ITGAE: variants seen among roughly 807,000 people sequenced by gnomAD.
ITGAE encodes integrin subunit alpha E, also known as integrin alpha-E.
A neutral mutation model predicts 136.5 loss-of-function variants in ITGAE; 99 were observed. That is an observed-to-expected ratio of 0.73 (90% CI 0.62 to 0.86). ITGAE has a LOEUF of 0.86. Ranked by LOEUF, ITGAE falls within the 40% of genes least tolerant of loss-of-function variation. ITGAE has a pLI of 0.00. For missense variants in ITGAE, 1,447 were observed against 1,515.3 expected (o/e 0.95, Z 0.75); for synonymous variants, 613 against 591.8 (o/e 1.04, Z -0.52).
chr17:3,767,153 A>G (rs1447792654), intron 2 of ITGAE, among the ~76,000 whole-genome samples: 2 of 150,788 alleles, frequency 1.3e-5, no homozygotes, highest in Non-Finnish European at 1.5e-5. Flanking sequence ...CTGGAGTGCA[A>G]TGGCACGATC....
Position 3,800,751 on chromosome 17 carries a change from G to A in ITGAE, c.34+360C>T, listed in dbSNP as rs562407744. Among the ~76,000 whole-genome samples, 9 of 152,278 alleles carry A rather than the reference G, an allele frequency of 5.9e-5. No homozygotes were observed. The South Asian group carries it at 6.2e-4, about 11-fold the overall frequency. ...GTAACAGAAGGGAGCTCTGCCAGGC[G>A]GAGCCTCCACACTCAGAGAACAAAC... On this transcript the variant is annotated intron_variant, in intron 1 of 30. Coordinates refer to ENST00000263087, the MANE Select transcript of ITGAE (RefSeq NM_002208.5).
intron 28 of ITGAE, 181 bp from the exon 29 acceptor site, chr17:3,720,583 CCT>C: frequency 5.1e-6 from 2 of 389,890 alleles, no homozygotes; most frequent in Non-Finnish European, 8.8e-6. Flanking sequence ...TCTTCAACTT[CCT>C]TTTTTTTTTT....
Position 3,757,654 on chromosome 17 carries a change from C to T in ITGAE, c.1020+52G>A, listed in dbSNP as rs375287142. ...CCCCATCGACAACCCTGGCTTCTCC[C>T]CACCCCAGGCTGTGCAGGTTCAGGA... is the stretch of plus-strand genomic sequence containing the variant. On this transcript the variant is annotated intron_variant, in intron 9 of 30. Transcript: ENST00000263087. The T allele has an allele frequency of 1.8e-5, 29 of 1,592,620 alleles. No homozygotes were observed. The African/African-American group carries it at 3.5e-4, about 19-fold the overall frequency.
intron 1 of ITGAE, among the ~76,000 whole-genome samples, chr17:3,794,228 C>T (rs948700821): frequency 2.0e-5 from 3 of 151,784 alleles, no homozygotes; most frequent in African/African-American, 4.8e-5. Context: ...CCGCCCGCCT[C>T]GGCCTCCTAA....
intron 2 of ITGAE, 64 bp downstream of exon 2, chr17:3,777,476 G>A: frequency 6.5e-7 from 1 of 1,541,890 alleles, no homozygotes; most frequent in African/African-American, 1.4e-5. Flanking sequence ...CGTCTCTGGG[G>A]CCCATCTCAG....
intron 8 of ITGAE, among the ~76,000 whole-genome samples, chr17:3,759,136 C>CA (rs35626365): frequency 0.36 from 49,203 of 135,560 alleles, 9,241 homozygotes; most frequent in Non-Finnish European, 0.45. Context: ...AAAAAAAAAA[C>CA]AAAAAAAAAA....
intron 27 of ITGAE, 61 bp downstream of exon 27, chr17:3,723,627 C>G (rs1035555135): frequency 1.4e-6 from 2 of 1,472,610 alleles, no homozygotes; most frequent in Non-Finnish European, 1.8e-6. Flanking sequence ...GTCTCCTGGC[C>G]TCTCGTTACC....
At position 3,746,459 on chromosome 17, in the gene ITGAE, CT is replaced by C. The variant is rs966807322; in HGVS notation, c.2156-533del. ...TTATTTTCTTTTTTTTTTCTTTTTT[CT>C]TTTTTTTTTTCCTTTGAGACAGAGT... On this transcript the variant is annotated intron_variant, in intron 17 of 30. Transcript: ENST00000263087. 6.6e-4 allele frequency among the ~76,000 whole-genome samples: 95 copies of C among 144,026 alleles called. 1 individual carries two copies. Among genetic ancestry groups the C allele is most frequent in the African/African-American group, 1.2e-3 (48 of 39,486 alleles). 94.5% of individuals were successfully genotyped at this position (144,026 alleles called of 152,430 possible). A position where few individuals can be genotyped will look rare whatever the true frequency, so the allele number is the denominator to read the frequency against.
chr17:3,792,820 C>A (rs945164391), intron 1 of ITGAE, among the ~76,000 whole-genome samples: 1 of 152,092 alleles, frequency 6.6e-6, no homozygotes, highest in African/African-American at 2.4e-5. Context: ...CCACAAAATT[C>A]AAAAAACAAA....
Position 3,751,802 on chromosome 17 carries a change from T to A in ITGAE, c.1741A>T (p.Met581Leu), listed in dbSNP as rs1300032089. ...GFTNARFGFA[M>L]AAMGDLSQDK... ...TGACTGAGATCCCCCATAGCCGCCA[T>A]GGCAAAGCCAAAGCGGGCATTGGTG... Residue 581 changes from methionine (M) to leucine (L), a missense_variant, in exon 15 of 31, where the codon ATG (methionine) becomes TTG (leucine). This residue lies in a region of ITGAE where 1,031 missense variants were observed against 1,011.4 expected (regional missense o/e 1.02). Coordinates refer to ENST00000263087, the MANE Select transcript of ITGAE (RefSeq NM_002208.5). The A allele has an allele frequency of 1.9e-6, 3 of 1,613,992 alleles. No homozygotes were observed. The highest frequency in any genetic ancestry group is 2.5e-6 in the Non-Finnish European group (3 of 1,180,004).
chr17:3,726,976 C>T (rs1461403334), intron 26 of ITGAE, among the ~76,000 whole-genome samples: 1 of 152,084 alleles, frequency 6.6e-6, no homozygotes, highest in Non-Finnish European at 1.5e-5. Context: ...GATCCACCCA[C>T]CTCGGCATCC....
chr17:3,761,920 C>T lies in ITGAE; in HGVS notation c.310G>A (p.Val104Ile). The T allele has an allele frequency of 6.2e-7, 1 of 1,613,924 alleles. No homozygotes were observed. Among genetic ancestry groups the T allele is most frequent in the Non-Finnish European group, 8.5e-7 (1 of 1,179,900 alleles). Residue 104 changes from valine (V) to isoleucine (I), a missense_variant, in exon 4 of 31, where the codon GTT (valine) becomes ATT (isoleucine). Physicochemically the swap from Val to Ile is conservative, Grantham distance 29. This residue lies in a region of ITGAE where 310 missense variants were observed against 416.1 expected (regional missense o/e 0.74). Coordinates refer to ENST00000263087, the MANE Select transcript of ITGAE (RefSeq NM_002208.5). ...GVTVVRSHHG[V>I]LICIQVLVRR... ...CCTCTCGCTCCTGCACTCACCAAAA[C>T]ACCGTGGTGGCTCCGGACAACGGTC...
rs548850660 is a variant in ITGAE at position 3,723,764 on chromosome 17, C to G, written c.3085-20G>C. On this transcript the variant is annotated intron_variant, in intron 26 of 30. Transcript: ENST00000263087. ...GGAGGCCTGAAACGAGAGCCATGACCGCGACGCGCTGAACAAACCAAGCCG... is the reference window on the plus strand; with the variant it reads ...GGAGGCCTGAAACGAGAGCCATGACGGCGACGCGCTGAACAAACCAAGCCG... 5 of 1,605,430 alleles carry G rather than the reference C, an allele frequency of 3.1e-6. No individual in the cohort carries two copies. In the African/African-American group the frequency reaches 4.0e-5, roughly 13 times the overall value.
intron 21 of ITGAE, 114 bp from the exon 22 acceptor site, chr17:3,732,580 CCTGCCAGGA>C (rs2143011113): frequency 1.2e-6 from 1 of 824,338 alleles, no homozygotes; most frequent in African/African-American, 1.7e-5. Context: ...TGTCAGACAC[CCTGCCAGGA>C]GCTAAAGAAA....
In ITGAE at chr17:3,729,481, G is replaced by C. The variant is rs1490234596; in HGVS notation, c.2909C>G (p.Ser970Cys). The C allele has an allele frequency of 3.7e-6, 6 of 1,606,800 alleles. No individual in the cohort carries two copies. The highest frequency in any genetic ancestry group is 5.1e-6 in the Non-Finnish European group (6 of 1,173,382). The change falls in exon 24 of 31, where the codon TCC becomes TGC. Residue 970 changes from serine (S) to cysteine (C), a missense_variant. Transcript: ENST00000263087. ...QFRHGFVAVL[S>C]KPSIMYVNTG... Reference sequence around the variant, plus strand: ...CTGGCCTCTTGGGAGTACTCACTTGGACAGAACTGCAACGAAGCCATGCCT... The same window carrying C: ...CTGGCCTCTTGGGAGTACTCACTTGCACAGAACTGCAACGAAGCCATGCCT...
Position 3,798,553 on chromosome 17 carries a change from T to C in ITGAE, c.34+2558A>G, listed in dbSNP as rs1041067599. Among the ~76,000 whole-genome samples, 1 of 152,136 alleles carries C rather than the reference T, an allele frequency of 6.6e-6. No homozygotes were observed. The highest frequency in any genetic ancestry group is 1.5e-5 in the Non-Finnish European group (1 of 68,020). On this transcript the variant is annotated intron_variant, in intron 1 of 30. Coordinates refer to ENST00000263087, the MANE Select transcript of ITGAE (RefSeq NM_002208.5). The surrounding 1 kb of genome is among the most constrained non-coding windows in gnomAD (Gnocchi z 4.3). ...CCCGTCCTTCAGAGCCCACCTCAGA[T>C]GCTACAGTCTCCCACTCCCCAAGGA...
intron 10 of ITGAE, 55 bp downstream of exon 10, chr17:3,756,929 G>A (rs1429282165): frequency 2.2e-5 from 34 of 1,568,600 alleles, no homozygotes; most frequent in Non-Finnish European, 2.5e-5. Context: ...GACAGAGGCC[G>A]GGCTGGAGCA....
At chr17:3,731,004 C>T (rs1191845291) in intron 23 of ITGAE, 100 bp downstream of exon 23, 1 of 921,126 alleles carries the variant, frequency 1.1e-6, no homozygotes, top group African/African-American at 1.6e-5. Context: ...TCCTTTCTCC[C>T]TGGGCTGTAA....
At chr17:3,771,957 G>A (rs765035550) in intron 2 of ITGAE, among the ~76,000 whole-genome samples, 4 of 151,964 alleles carry the variant, frequency 2.6e-5, no homozygotes, top group Non-Finnish European at 5.9e-5. Context: ...CACCCCTCCC[G>A]GCTTCAGACC....
Sources: allele counts gnomAD v4.1 joint callset (sites outside exome capture counted in the v4.1 genomes callset), GRCh38; gene constraint gnomAD v4.1.1; regional missense constraint gnomAD v4.1.1; non-coding constraint Gnocchi (gnomAD v3.1); transcripts MANE v1.5; gene names NCBI Gene and HGNC (gene_info 2026-07-23, HGNC 2026-07-21).